Variants in SH3RF3 observed in about 807,000 individuals in gnomAD.
The protein encoded by SH3RF3 is E3 ubiquitin-protein ligase SH3RF3.
In SH3RF3, 29 loss-of-function variants were observed where a neutral mutation model predicts 66.3. The observed-to-expected ratio is 0.44, with a 90% CI of 0.33 to 0.60. The LOEUF is 0.60. Ranked by LOEUF, SH3RF3 falls within the 20% of genes least tolerant of loss-of-function variation. The pLI, the probability that SH3RF3 is intolerant of heterozygous loss-of-function variation, is 0.04. For missense variants in SH3RF3, 1,194 were observed against 1,190.9 expected, an observed-to-expected ratio of 1.00 and a Z score of -0.04; for synonymous variants, 583 against 532.0, an observed-to-expected ratio of 1.10 and a Z score of -1.32.
Position 109,409,844 on chromosome 2 carries a change from C to T in SH3RF3, c.1300-9695C>T, listed in dbSNP as rs570899122. Among the ~76,000 whole-genome samples, 78 of 152,162 alleles carry T rather than the reference C, an allele frequency of 5.1e-4. 1 individual carries two copies. Among genetic ancestry groups the T allele is most frequent in the African/African-American group, 1.8e-3 (76 of 41,504 alleles). On this transcript the variant is annotated intron_variant, in intron 4 of 9. Transcript: ENST00000309415. ...GTTCATGAGGGTCTGATTTACACCC[C>T]GTGTAATGGAGTGGTAGCGAGTGAT... is the stretch of plus-strand genomic sequence containing the variant.
At chr2:109,321,974 G>A (rs72627482) in intron 1 of SH3RF3, among the ~76,000 whole-genome samples, 4,966 of 152,208 alleles carry the variant, frequency 0.033, 240 homozygotes, top group East Asian at 0.2. Flanking sequence ...ATTGGTCCTC[G>A]TTATTCAGTA....
At chr2:109,359,491 T>C (rs574455820) in intron 2 of SH3RF3, among the ~76,000 whole-genome samples, 1 of 152,360 alleles carries the variant, frequency 6.6e-6, no homozygotes, top group South Asian at 2.1e-4. Context: ...ACATATTTTG[T>C]TACACTTATA....
intron 4 of SH3RF3, among the ~76,000 whole-genome samples, chr2:109,410,509 T>C (rs777160430): frequency 5.3e-5 from 8 of 152,164 alleles, no homozygotes; most frequent in Non-Finnish European, 1.2e-4. Flanking sequence ...CAGGCCATCC[T>C]CTCCTACCTG....
Position 109,398,703 on chromosome 2 carries a change from A to G in SH3RF3, c.1059A>G (p.Pro353=). The G allele has an allele frequency of 6.2e-7, 1 of 1,612,340 alleles. No homozygotes were observed. The highest frequency in any genetic ancestry group is 8.5e-7 in the Non-Finnish European group (1 of 1,179,384). ...SDSGAVASVA[P]SPTLSSSGAV... is the part of the protein sequence containing the mutation. ...CCGGCGCTGTGGCCAGCGTGGCCCC[A>G]AGTCCCACTTTAAGCAGCTCAGGGG... The change falls in exon 4 of 10, where the codon CCA becomes CCG. Residue 353 remains proline, a synonymous_variant. Coordinates refer to ENST00000309415, the MANE Select transcript of SH3RF3 (RefSeq NM_001099289.3).
chr2:109,474,199 A>C (rs932394399), intron 8 of SH3RF3, among the ~76,000 whole-genome samples: 3 of 152,160 alleles, frequency 2.0e-5, no homozygotes, highest in Admixed American at 6.5e-5. Flanking sequence ...GGGCAGGTGT[A>C]AGCCATGCAG....
chr2:109,371,798 T>C, intron 3 of SH3RF3, 117 bp downstream of exon 3: 2 of 826,096 alleles, frequency 2.4e-6, no homozygotes, highest in Non-Finnish European at 4.0e-6. Flanking sequence ...TCCTCCACAA[T>C]AGCCTCTGGC....
At chr2:109,401,837 G>C (rs1676325412) in intron 4 of SH3RF3, among the ~76,000 whole-genome samples, 1 of 152,192 alleles carries the variant, frequency 6.6e-6, no homozygotes, top group African/African-American at 2.4e-5. Flanking sequence ...ATGTCTATTG[G>C]GGCTGGAAGG....
At chr2:109,189,526 G>A (rs1482613432) in intron 1 of SH3RF3, among the ~76,000 whole-genome samples, 2 of 151,776 alleles carry the variant, frequency 1.3e-5, no homozygotes, top group African/African-American at 2.4e-5. Flanking sequence ...ACACCACCAC[G>A]CCCAGCTAAT....
chr2:109,143,835 T>C (rs969000271), intron 1 of SH3RF3, among the ~76,000 whole-genome samples: 1 of 145,112 alleles, frequency 6.9e-6, no homozygotes, highest in African/African-American at 2.5e-5. Flanking sequence ...CACACACACG[T>C]ATATACACAA....
chr2:109,249,536 C>CTTTCTTTCTTTCTTTTTCTTTCTTTCT (rs1273437959), intron 1 of SH3RF3, among the ~76,000 whole-genome samples: 2 of 74,080 alleles, frequency 2.7e-5, no homozygotes, highest in African/African-American at 5.3e-5. Context: ...TCTTTCTTTC[C>CTTTCTTTCTTTCTTTTTCTTTCTTTCT]TTCCTTCCTT....
intron 8 of SH3RF3, among the ~76,000 whole-genome samples, chr2:109,486,477 G>A (rs956463714): frequency 3.9e-5 from 6 of 152,120 alleles, no homozygotes; most frequent in Admixed American, 1.3e-4. Flanking sequence ...TAGGTATTTC[G>A]TAAACTATTT....
intron 1 of SH3RF3, among the ~76,000 whole-genome samples, chr2:109,182,001 G>C (rs1000218664): frequency 6.6e-6 from 1 of 152,140 alleles, no homozygotes; most frequent in African/African-American, 2.4e-5. Flanking sequence ...AGGGGAGGAG[G>C]AGCCTGATTT....
chr2:109,434,461 T>G (rs1476718292), intron 6 of SH3RF3, among the ~76,000 whole-genome samples: 1 of 152,204 alleles, frequency 6.6e-6, no homozygotes, highest in African/African-American at 2.4e-5. Context: ...TGCGTAGCAT[T>G]GGGACATCGC....
chr2:109,347,443 T>C (rs1682735632), intron 1 of SH3RF3, among the ~76,000 whole-genome samples: 1 of 152,072 alleles, frequency 6.6e-6, no homozygotes, highest in Admixed American at 6.5e-5. Context: ...GACAGTGTCC[T>C]TTTTAGGAGG....
intron 1 of SH3RF3, among the ~76,000 whole-genome samples, chr2:109,141,139 A>AC (rs533181922): frequency 4.0e-5 from 6 of 151,490 alleles, no homozygotes; most frequent in Non-Finnish European, 5.9e-5. Flanking sequence ...ATGCAACCAC[A>AC]CCCCCCGGAG....
chr2:109,321,322 T>G (rs1574572425), intron 1 of SH3RF3, among the ~76,000 whole-genome samples: 1 of 152,368 alleles, frequency 6.6e-6, no homozygotes, highest in South Asian at 2.1e-4. Context: ...AGAGCAAATG[T>G]GGCATGCAGA....
At chr2:109,485,121 C>G (rs1039340805) in intron 8 of SH3RF3, among the ~76,000 whole-genome samples, 1 of 152,248 alleles carries the variant, frequency 6.6e-6, no homozygotes, top group Non-Finnish European at 1.5e-5. Context: ...GAGTCCCTTT[C>G]TATCTGCTTC....
rs189052482 is a variant in SH3RF3, at chr2:109,292,140, G to A, written c.574-55534G>A. ...AGCCTCCCAAAGTGCTGGGATTACA[G>A]GCGTGAGCTACCGTGCCTGGCCCCA... On this transcript the variant is annotated intron_variant, in intron 1 of 9. Coordinates refer to ENST00000309415, the MANE Select transcript of SH3RF3 (RefSeq NM_001099289.3). Among the ~76,000 whole-genome samples, 37 of 152,348 alleles carry A rather than the reference G, an allele frequency of 2.4e-4. No homozygotes were observed. The East Asian group carries it at 3.5e-3, about 14-fold the overall frequency.
At chr2:109,281,557 A>C (rs1680893188) in intron 1 of SH3RF3, among the ~76,000 whole-genome samples, 1 of 152,110 alleles carries the variant, frequency 6.6e-6, no homozygotes, top group African/African-American at 2.4e-5. Flanking sequence ...AGGGTGATTC[A>C]CTGTGGGAGA....
Sources: allele counts gnomAD v4.1 joint callset (sites outside exome capture counted in the v4.1 genomes callset), GRCh38; gene constraint gnomAD v4.1.1; transcripts MANE v1.5; gene names NCBI Gene and HGNC (gene_info 2026-07-23, HGNC 2026-07-21).